Variants in AACS observed in about 807,000 individuals in gnomAD.
AACS encodes acetoacetyl-CoA synthetase.
AACS carries 69 observed loss-of-function variants against 83.1 expected under a neutral mutation model. The observed-to-expected ratio is 0.83, with a 90% CI of 0.68 to 1.01. The LOEUF (loss-of-function observed/expected upper bound fraction) is 1.01, where lower values mean the gene tolerates loss of function less well. AACS is among the 50% of genes least tolerant of loss of function. The probability of loss-of-function intolerance (pLI) is 0.00; values close to 1 mark genes in which losing one functional copy is unlikely to be tolerated. For synonymous variants in AACS, 333 were observed against 343.4 expected, an observed-to-expected ratio of 0.97 and a Z score of 0.33; for missense variants, 866 against 882.2, an observed-to-expected ratio of 0.98 and a Z score of 0.23.
Position 125,113,258 on chromosome 12 carries a change from T to C in AACS, c.916-1219T>C, listed in dbSNP as rs1468345434. On this transcript the variant is annotated intron_variant, in intron 8 of 17. Transcript: ENST00000316519. This position sits in a 1 kb window ranked among gnomAD's most constrained non-coding sequence, Gnocchi z 4.8. ...CCCTTGGGTATAATGAGGGCCTTCA[T>C]GGCTGGGTTTTAATATATAAGTCCT... 6.6e-6 allele frequency among the ~76,000 whole-genome samples: 1 copy of C among 152,212 alleles called. No homozygotes were observed.
At chr12:125,096,196 C>A (rs539500565) in intron 5 of AACS, among the ~76,000 whole-genome samples, 18 of 152,298 alleles carry the variant, frequency 1.2e-4, no homozygotes, top group African/African-American at 4.3e-4. Context: ...GATCTCCTGA[C>A]CTCGTGATGC....
At chr12:125,080,210 G>GCGTCTCTTTTCTTTTCCT (rs1956138019) in intron 3 of AACS, among the ~76,000 whole-genome samples, 1 of 152,126 alleles carries the variant, frequency 6.6e-6, no homozygotes, top group Non-Finnish European at 1.5e-5. Flanking sequence ...CGAGAACGCT[G>GCGTCTCTTTTCTTTTCCT]CGTCTCTTTT....
At chr12:125,134,193 C>T in intron 15 of AACS, 121 bp downstream of exon 15, 1 of 1,067,250 alleles carries the variant, frequency 9.4e-7, no homozygotes, top group Non-Finnish European at 1.4e-6. Flanking sequence ...TCACTCCACT[C>T]CAGCACCAGG....
intron 1 of AACS, among the ~76,000 whole-genome samples, chr12:125,066,238 G>A (rs1252242090): frequency 6.6e-6 from 1 of 151,768 alleles, no homozygotes; most frequent in Non-Finnish European, 1.5e-5. Context: ...CTGTCCACGT[G>A]TCTACACTCC....
intron 7 of AACS, among the ~76,000 whole-genome samples, chr12:125,104,990 G>A (rs1474742003): frequency 6.6e-6 from 1 of 151,508 alleles, no homozygotes; most frequent in Non-Finnish European, 1.5e-5. Context: ...TGGGAAAGCA[G>A]GAGTGGAGGG....
At chr12:125,095,296 C>T (rs914657048) in intron 5 of AACS, among the ~76,000 whole-genome samples, 1 of 152,180 alleles carries the variant, frequency 6.6e-6, no homozygotes, top group African/African-American at 2.4e-5. Context: ...CAGAGGACCC[C>T]TGAGTCTTTT....
intron 5 of AACS, among the ~76,000 whole-genome samples, chr12:125,093,727 G>T (rs868666556): frequency 1.3e-5 from 2 of 152,302 alleles, no homozygotes; most frequent in Middle Eastern, 6.8e-3. Flanking sequence ...AGAAAACAGG[G>T]CCACCTGCCC....
chr12:125,114,345 T>C (rs1222872189), intron 8 of AACS, 132 bp from the exon 9 acceptor site: 2 of 663,212 alleles, frequency 3.0e-6, no homozygotes, highest in South Asian at 2.0e-5. Flanking sequence ...AGTCTGCTTC[T>C]CCCAGGAAAG....
chr12:125,129,247 A>G lies in AACS; in HGVS notation c.1424-88A>G. On this transcript the variant is annotated intron_variant, in intron 13 of 17. Coordinates refer to ENST00000316519, the MANE Select transcript of AACS (RefSeq NM_023928.5). The surrounding 1 kb of genome is among the most constrained non-coding windows in gnomAD (Gnocchi z 4.3). ...TTGTATATGTCTGGAATATTGCATAATAAGTAATAGCTTAAGAAAGAGAGA... is the reference window on the plus strand; with the variant it reads ...TTGTATATGTCTGGAATATTGCATAGTAAGTAATAGCTTAAGAAAGAGAGA... The G allele has an allele frequency of 1.3e-6, 2 of 1,498,430 alleles. No homozygotes were observed. The highest frequency in any genetic ancestry group is 1.8e-6 in the Non-Finnish European group (2 of 1,121,500). The allele number at this position is 1,498,430 out of a possible 1,614,324, so 92.8% of individuals were successfully genotyped here.
chr12:125,069,095 C>T (rs1443314253), intron 1 of AACS, among the ~76,000 whole-genome samples: 1 of 152,196 alleles, frequency 6.6e-6, no homozygotes, highest in Non-Finnish European at 1.5e-5. Context: ...CCCACCTCGA[C>T]CTCCCAAAGT....
intron 5 of AACS, among the ~76,000 whole-genome samples, chr12:125,100,025 T>C (rs1956682762): frequency 6.6e-6 from 1 of 152,126 alleles, no homozygotes; most frequent in Non-Finnish European, 1.5e-5. Context: ...CTTACTTTTA[T>C]TTTATTTTAA....
At chr12:125,105,795 G>A (rs1956821585) in intron 7 of AACS, 1 of 152,186 alleles carries the variant, frequency 6.6e-6, no homozygotes, top group African/African-American at 2.4e-5. Flanking sequence ...TTTAACAAAG[G>A]TAATCATTAT....
Position 125,142,370 on chromosome 12 carries a change from C to A in AACS, c.*141C>A. On this transcript the variant is annotated 3_prime_UTR_variant, in exon 18 of 18. Transcript: ENST00000316519. ...CTGTAGGCTTGGGGAGGGATCGTTTCTCTGTTTTGTTAAATCTGGTGGGTA... is the reference window on the plus strand; with the variant it reads ...CTGTAGGCTTGGGGAGGGATCGTTTATCTGTTTTGTTAAATCTGGTGGGTA... 8.1e-7 allele frequency: 1 copy of A among 1,240,262 alleles called. No individual in the cohort carries two copies. The highest frequency in any genetic ancestry group is 1.6e-5 in the South Asian group (1 of 63,538). 76.8% of individuals were successfully genotyped at this position (1,240,262 alleles called of 1,614,324 possible).
intron 2 of AACS, 35 bp from the exon 3 acceptor site, chr12:125,076,454 ATG>A (rs762074712): frequency 1.2e-6 from 2 of 1,609,114 alleles, no homozygotes; most frequent in South Asian, 2.2e-5. Context: ...GCGTAGTCTC[ATG>A]TGTGTGCGTC....
At chr12:125,138,888 C>T (rs1463548454) in intron 17 of AACS, 1 of 115,106 alleles carries the variant, frequency 8.7e-6, no homozygotes, top group East Asian at 3.5e-4. Flanking sequence ...ACGGCGTGGC[C>T]CCAGCCTGCC....
In AACS at chr12:125,130,204, G is replaced by A. The variant is rs1957310795; in HGVS notation, c.1549+744G>A. Among the ~76,000 whole-genome samples the A allele has an allele frequency of 6.6e-6, 1 of 152,268 alleles. No individual in the cohort carries two copies. The highest frequency in any genetic ancestry group is 6.5e-5 in the Admixed American group (1 of 15,292). ...GACCACGTATGGAGAATCAGAAAGC[G>A]GTAAGTGGTAGGATTTGCCAGGTAT... On this transcript the variant is annotated intron_variant, in intron 14 of 17. Coordinates refer to ENST00000316519, the MANE Select transcript of AACS (RefSeq NM_023928.5). This position sits in a 1 kb window ranked among gnomAD's most constrained non-coding sequence, Gnocchi z 4.9.
At chr12:125,119,106 C>T (rs989245771) in intron 10 of AACS, among the ~76,000 whole-genome samples, 11 of 152,150 alleles carry the variant, frequency 7.2e-5, no homozygotes, top group Non-Finnish European at 1.0e-4. Context: ...GTAAGGCACG[C>T]GGCATGGTAT....
In AACS at chr12:125,097,523, C is replaced by T. The variant is rs370377485; in HGVS notation, c.571-5156C>T. 4.1e-4 allele frequency among the ~76,000 whole-genome samples: 62 copies of T among 152,132 alleles called. 2 individuals carry two copies. The highest frequency in any genetic ancestry group is 1.4e-3 in the African/African-American group (57 of 41,506). ...ATTCCCTTGTCCCCCACCCGCCCGCCGTGAACTTTGCTGAGGGGCAGAGGA... is the reference window on the plus strand; with the variant it reads ...ATTCCCTTGTCCCCCACCCGCCCGCTGTGAACTTTGCTGAGGGGCAGAGGA... On this transcript the variant is annotated intron_variant, in intron 5 of 17. Coordinates refer to ENST00000316519, the MANE Select transcript of AACS (RefSeq NM_023928.5). The surrounding 1 kb of genome is among the most constrained non-coding windows in gnomAD (Gnocchi z 4.3).
Position 125,088,224 on chromosome 12 carries a change from C to CTT in AACS, c.472+1799_472+1800dup, listed in dbSNP as rs57107480. ...GTGTTGGGCTGATCATCAGAGCAGA[C>CTT]TTTTTTTTTTTTTTTTTTTCTTTTT... is the stretch of plus-strand genomic sequence containing the variant. On this transcript the variant is annotated intron_variant, in intron 4 of 17. Coordinates refer to ENST00000316519, the MANE Select transcript of AACS (RefSeq NM_023928.5). Among the ~76,000 whole-genome samples, 73 of 131,470 alleles carry CTT rather than the reference C, an allele frequency of 5.6e-4. 1 individual carries two copies. Among genetic ancestry groups the CTT allele is most frequent in the Admixed American group, 1.1e-3 (14 of 12,910 alleles). The allele number at this position is 131,470 out of a possible 152,430, so 86.2% of individuals were successfully genotyped here.
Sources: gnomAD v4.1 joint callset for allele counts (sites outside exome capture counted in the v4.1 genomes callset) on GRCh38, gnomAD v4.1.1 for gene constraint, Gnocchi (gnomAD v3.1) non-coding constraint, MANE v1.5 for transcripts, NCBI Gene and HGNC (gene_info 2026-07-23, HGNC 2026-07-21) for gene names.